Variants in AK5 observed in about 807,000 individuals in gnomAD.
The protein encoded by AK5 is adenylate kinase isoenzyme 5.
A neutral mutation model predicts 69.5 loss-of-function variants in AK5; 27 were observed. The observed-to-expected ratio is 0.39, with a 90% CI of 0.29 to 0.54. AK5 has a LOEUF of 0.54. Ranked by LOEUF, AK5 falls within the 20% of genes least tolerant of loss-of-function variation. The pLI is 0.71. For missense variants in AK5, 531 were observed against 700.4 expected (o/e 0.76, Z 2.73); for synonymous variants, 260 against 244.4 (o/e 1.06, Z -0.60).
chr1:77,534,370 T>A (rs1658838435), intron 12 of AK5, among the ~76,000 whole-genome samples: 1 of 152,120 alleles, frequency 6.6e-6, no homozygotes, highest in South Asian at 2.1e-4. Flanking sequence ...CATACCACCA[T>A]CACTCATTCA....
intron 8 of AK5, among the ~76,000 whole-genome samples, chr1:77,467,454 CTGA>C (rs151076886): frequency 0.052 from 7,882 of 152,278 alleles, 233 homozygotes; most frequent in South Asian, 0.094. Flanking sequence ...AAATCCAAGG[CTGA>C]TGATTTGGAA....
chr1:77,314,576 A>C (rs1472254848), intron 5 of AK5: 2 of 152,250 alleles, frequency 1.3e-5, no homozygotes, highest in African/African-American at 4.8e-5. Flanking sequence ...CATATAGTGT[A>C]TGGTGATCAG....
intron 2 of AK5, among the ~76,000 whole-genome samples, chr1:77,290,880 G>C (rs1425129372): frequency 6.6e-6 from 1 of 152,160 alleles, no homozygotes; most frequent in African/African-American, 2.4e-5. Flanking sequence ...CAGTCCAGCA[G>C]TGAAATCAAG....
rs139758935 is a variant in AK5 at position 77,536,159 on chromosome 1, C to T, written c.1620+121C>T. 2,869 of 1,140,676 alleles carry T rather than the reference C, an allele frequency of 2.5e-3. 6 individuals are homozygous for T. Among genetic ancestry groups the T allele is most frequent in the Non-Finnish European group, 3.0e-3 (2,489 of 824,462 alleles). 70.7% of individuals were successfully genotyped at this position (1,140,676 alleles called of 1,614,324 possible). On this transcript the variant is annotated intron_variant, in intron 13 of 13. Coordinates refer to ENST00000354567, the MANE Select transcript of AK5 (RefSeq NM_174858.3). Reference sequence around the variant, plus strand: ...ATCTGGGAATTAGAACTCTGTGCAGCTGCAGCACTGGGGCCAAAAGGCCCA... The same window carrying T: ...ATCTGGGAATTAGAACTCTGTGCAGTTGCAGCACTGGGGCCAAAAGGCCCA...
At chr1:77,455,785 C>T (rs919955771) in intron 8 of AK5, among the ~76,000 whole-genome samples, 2 of 152,144 alleles carry the variant, frequency 1.3e-5, no homozygotes, top group African/African-American at 4.8e-5. Context: ...GCCCCACCCC[C>T]AGAGATTCTG....
chr1:77,337,178 T>A (rs575043510), intron 5 of AK5, among the ~76,000 whole-genome samples: 1 of 152,300 alleles, frequency 6.6e-6, no homozygotes, highest in South Asian at 2.1e-4. Context: ...AATTTCAAGC[T>A]GTCGCTAGTG....
intron 10 of AK5, among the ~76,000 whole-genome samples, chr1:77,517,151 G>C (rs1054532149): frequency 1.3e-5 from 2 of 151,978 alleles, no homozygotes; most frequent in Non-Finnish European, 2.9e-5. Flanking sequence ...GAGAGTTGGG[G>C]TGCTGCTGTA....
At chr1:77,310,961 G>T (rs191125650) in intron 5 of AK5, among the ~76,000 whole-genome samples, 2 of 151,818 alleles carry the variant, frequency 1.3e-5, no homozygotes, top group South Asian at 4.2e-4. Context: ...AAATATAATC[G>T]TTTATAGGTT....
At chr1:77,470,790 T>G (rs1654410961) in intron 8 of AK5, among the ~76,000 whole-genome samples, 1 of 141,016 alleles carries the variant, frequency 7.1e-6, no homozygotes, top group African/African-American at 2.6e-5. Flanking sequence ...TTTGTCTTCA[T>G]GATTTTGAAT....
At chr1:77,355,868 T>TACAAACACAC (rs1662484867) in intron 6 of AK5, among the ~76,000 whole-genome samples, 1 of 146,160 alleles carries the variant, frequency 6.8e-6, no homozygotes, top group African/African-American at 2.5e-5. Context: ...CCTCATTAAA[T>TACAAACACAC]ACACACACAC....
At chr1:77,299,376 A>T (rs138057333) in intron 5 of AK5, among the ~76,000 whole-genome samples, 384 of 151,766 alleles carry the variant, frequency 2.5e-3, no homozygotes, top group Admixed American at 4.5e-3. Context: ...TATCGTATTA[A>T]ACAGTATTAA....
intron 10 of AK5, among the ~76,000 whole-genome samples, chr1:77,505,731 AAAC>A (rs562958034): frequency 8.6e-5 from 13 of 151,494 alleles, no homozygotes; most frequent in African/African-American, 1.7e-4. Context: ...AAAAAAAAAA[AAAC>A]AAAAATTAGC....
intron 10 of AK5, among the ~76,000 whole-genome samples, chr1:77,517,270 A>G (rs1213182327): frequency 6.6e-6 from 1 of 152,170 alleles, no homozygotes; most frequent in Non-Finnish European, 1.5e-5. Context: ...GTGGGGCTCC[A>G]AAGCCCCTCC....
intron 13 of AK5, among the ~76,000 whole-genome samples, chr1:77,557,498 G>A (rs550797839): frequency 3.6e-4 from 55 of 152,134 alleles, no homozygotes; most frequent in Non-Finnish European, 6.9e-4. Context: ...CGGTGGGTGC[G>A]TTAGGAGAGG....
chr1:77,391,314 C>T (rs1361904143), intron 6 of AK5, among the ~76,000 whole-genome samples: 1 of 151,058 alleles, frequency 6.6e-6, no homozygotes, highest in Non-Finnish European at 1.5e-5. Context: ...TGCCAACACT[C>T]ACAGCAGCTG....
rs542280538 is a variant in AK5 at position 77,394,463 on chromosome 1, C to T, written c.892-16518C>T. On this transcript the variant is annotated intron_variant, in intron 6 of 13. Transcript: ENST00000354567. ...CTCTGGGACCAGTTAATCCTTCTTT[C>T]TCTTTTGATCTCCTACTGTAGTTCT... 7.2e-4 allele frequency among the ~76,000 whole-genome samples: 109 copies of T among 152,260 alleles called. 1 individual carries two copies. The highest frequency in any genetic ancestry group is 2.6e-3 in the African/African-American group (108 of 41,552).
At chr1:77,486,733 A>G (rs1395174408) in intron 10 of AK5, among the ~76,000 whole-genome samples, 1 of 151,644 alleles carries the variant, frequency 6.6e-6, no homozygotes, top group Non-Finnish European at 1.5e-5. Context: ...GAAAGAGACT[A>G]TTTATTTCTC....
chr1:77,400,246 G>A (rs1642527059), intron 6 of AK5, among the ~76,000 whole-genome samples: 2 of 152,112 alleles, frequency 1.3e-5, no homozygotes, highest in African/African-American at 4.8e-5. Flanking sequence ...GCCAGCCTTG[G>A]CATCTGCATC....
chr1:77,479,956 T>C (rs1403179709), intron 8 of AK5, among the ~76,000 whole-genome samples: 1 of 152,214 alleles, frequency 6.6e-6, no homozygotes, highest in Non-Finnish European at 1.5e-5. Flanking sequence ...AGACGTCTCC[T>C]GAATAAGCCT....
Sources: gnomAD v4.1 joint callset for allele counts (sites outside exome capture counted in the v4.1 genomes callset) on GRCh38, gnomAD v4.1.1 for gene constraint, MANE v1.5 for transcripts, NCBI Gene and HGNC (gene_info 2026-07-23, HGNC 2026-07-21) for gene names.